Variants in OSTF1 observed in about 807,000 individuals in gnomAD.
OSTF1 encodes the protein osteoclast stimulating factor 1.
A neutral mutation model predicts 37.2 loss-of-function variants in OSTF1; 27 were observed. The observed-to-expected ratio is 0.73, with a 90% CI of 0.54 to 1.00. The LOEUF (loss-of-function observed/expected upper bound fraction) is 1.00. OSTF1 is among the 50% of genes least tolerant of loss of function. OSTF1 has a pLI of 0.00. For missense variants in OSTF1, 232 were observed against 253.8 expected (o/e 0.91, Z 0.58); for synonymous variants, 82 against 89.2 (o/e 0.92, Z 0.46).
intron 3 of OSTF1, among the ~76,000 whole-genome samples, chr9:75,128,756 G>A (rs906233962): frequency 4.0e-5 from 6 of 150,484 alleles, no homozygotes; most frequent in East Asian, 2.0e-4. Context: ...TAATTAGGTC[G>A]GTGATGTTGC....
chr9:75,124,768 T>C (rs1372656040), intron 2 of OSTF1, among the ~76,000 whole-genome samples: 1 of 151,788 alleles, frequency 6.6e-6, no homozygotes, highest in Non-Finnish European at 1.5e-5. Flanking sequence ...AAGCTATTTG[T>C]TTGGTACTTT....
intron 1 of OSTF1, among the ~76,000 whole-genome samples, chr9:75,103,248 A>G (rs1825225946): frequency 6.6e-6 from 1 of 152,242 alleles, no homozygotes; most frequent in African/African-American, 2.4e-5. Flanking sequence ...GCGTCATTGT[A>G]CTATAGCCTG....
chr9:75,095,115 A>T (rs1825050329), intron 1 of OSTF1, among the ~76,000 whole-genome samples: 1 of 152,172 alleles, frequency 6.6e-6, no homozygotes. Flanking sequence ...TATTCTGCTG[A>T]GCTCATTTAA....
At chr9:75,137,439 G>A in intron 7 of OSTF1, 99 bp from the exon 8 acceptor site, 1 of 750,282 alleles carries the variant, frequency 1.3e-6, no homozygotes, top group Non-Finnish European at 2.3e-6. Context: ...CCCATTTTAG[G>A]TTTAACTTTT....
rs941552131 is a variant in OSTF1 at position 75,146,753 on chromosome 9, A to G, written c.*12A>G. 6.3e-7 allele frequency: 1 copy of G among 1,587,502 alleles called. No individual in the cohort carries two copies. The highest frequency in any genetic ancestry group is 8.6e-7 in the Non-Finnish European group (1 of 1,161,490). On this transcript the variant is annotated 3_prime_UTR_variant, in exon 10 of 10. Coordinates refer to ENST00000346234, the MANE Select transcript of OSTF1 (RefSeq NM_012383.5). ...AAGACTCAGATTAATTCCTTTCTGG[A>G]GCTTTGAGATCTAAAACTTCTGTTG...
rs905551068 is a variant in OSTF1 at position 75,088,537 on chromosome 9, C to T, written c.-156C>T. Reference sequence around the variant, plus strand: ...GCACTCGGCGGAGCCGCTCTGCCTGCGTCCGCTCTTCCCGCAGCCAAGGGT... The same window carrying T: ...GCACTCGGCGGAGCCGCTCTGCCTGTGTCCGCTCTTCCCGCAGCCAAGGGT... On this transcript the variant is annotated 5_prime_UTR_variant, in exon 1 of 10. Transcript: ENST00000346234. 40 of 777,122 alleles carry T rather than the reference C, an allele frequency of 5.1e-5. No homozygotes were observed. The highest frequency in any genetic ancestry group is 3.9e-4 in the African/African-American group (23 of 58,244). The allele number at this position is 777,122 out of a possible 1,614,324, so 48.1% of individuals were successfully genotyped here. A position where few individuals can be genotyped will look rare whatever the true frequency, so the allele number is the denominator to read the frequency against.
At chr9:75,089,823 A>G (rs1412102569) in intron 1 of OSTF1, among the ~76,000 whole-genome samples, 1 of 152,230 alleles carries the variant, frequency 6.6e-6, no homozygotes, top group Non-Finnish European at 1.5e-5. Flanking sequence ...TGATTTTCCT[A>G]AACTCTATAG....
chr9:75,101,574 T>C lies in OSTF1; in HGVS notation c.34+12848T>C, dbSNP rs568572693. The stretch of plus-strand genomic sequence containing the variant: ...ACATAAGAACATTTGAATCCTTCTG[T>C]TTTCTGAACAAAGAGGGGCTCCGTT... On this transcript the variant is annotated intron_variant, in intron 1 of 9. Coordinates refer to ENST00000346234, the MANE Select transcript of OSTF1 (RefSeq NM_012383.5). Among the ~76,000 whole-genome samples the C allele has an allele frequency of 3.3e-5, 5 of 152,322 alleles. 1 individual carries two copies. Among genetic ancestry groups the C allele is most frequent in the Admixed American group, 3.3e-4 (5 of 15,300 alleles).
At chr9:75,130,772 A>G in intron 4 of OSTF1, 131 bp downstream of exon 4, 1 of 647,500 alleles carries the variant, frequency 1.5e-6, no homozygotes, top group Non-Finnish European at 2.9e-6. Flanking sequence ...TTTCTATTCC[A>G]TGAGCCTTCT....
At chr9:75,091,935 G>A (rs1032074747) in intron 1 of OSTF1, among the ~76,000 whole-genome samples, 1 of 152,204 alleles carries the variant, frequency 6.6e-6, no homozygotes, top group African/African-American at 2.4e-5. Context: ...TGAGATCTGA[G>A]ACAGATTTTC....
rs539001313 is a variant in OSTF1 at position 75,095,973 on chromosome 9, C to G, written c.34+7247C>G. ...GTGGCGCGATTTCGGCTCACTGCAA[C>G]CTCCGCCTCCCGGGTTCACGCCATT... On this transcript the variant is annotated intron_variant, in intron 1 of 9. Transcript: ENST00000346234. Among the ~76,000 whole-genome samples, 37 of 151,862 alleles carry G rather than the reference C, an allele frequency of 2.4e-4. No individual in the cohort carries two copies. The East Asian group carries it at 7.0e-3, about 29-fold the overall frequency.
At chr9:75,137,283 G>T (rs1015333388) in intron 7 of OSTF1, among the ~76,000 whole-genome samples, 1 of 151,996 alleles carries the variant, frequency 6.6e-6, no homozygotes, top group South Asian at 2.1e-4. Flanking sequence ...ATCTCCCTCC[G>T]CAGGCATGTG....
At chr9:75,089,874 GT>G (rs1824925229) in intron 1 of OSTF1, among the ~76,000 whole-genome samples, 1 of 152,112 alleles carries the variant, frequency 6.6e-6, no homozygotes, top group Non-Finnish European at 1.5e-5. Context: ...CGTTCCTGCA[GT>G]TGGAGTATGA....
chr9:75,140,815 C>T lies in OSTF1; in HGVS notation c.488-19C>T. 6.3e-7 allele frequency: 1 copy of T among 1,590,736 alleles called. No homozygotes were observed. Among genetic ancestry groups the T allele is most frequent in the Non-Finnish European group, 8.6e-7 (1 of 1,159,574 alleles). ...ATAGTCTTCAAAGACACCTAATTGACTTTTCTTGTGTTGGGAAGGTGCTAG... is the reference window on the plus strand; with the variant it reads ...ATAGTCTTCAAAGACACCTAATTGATTTTTCTTGTGTTGGGAAGGTGCTAG... On this transcript the variant is annotated intron_variant, in intron 8 of 9. Transcript: ENST00000346234.
At chr9:75,135,650 T>C (rs1279782698) in intron 7 of OSTF1, among the ~76,000 whole-genome samples, 1 of 152,202 alleles carries the variant, frequency 6.6e-6, no homozygotes, top group Non-Finnish European at 1.5e-5. Flanking sequence ...TATTGCTGCC[T>C]AGCAAACGAC....
At chr9:75,142,905 C>CT (rs1228132004) in intron 9 of OSTF1, among the ~76,000 whole-genome samples, 1 of 150,582 alleles carries the variant, frequency 6.6e-6, no homozygotes, top group East Asian at 1.9e-4. Flanking sequence ...AGCATGAACT[C>CT]TAAGTTGGAA....
chr9:75,130,041 C>T (rs969442610), intron 3 of OSTF1, among the ~76,000 whole-genome samples: 6 of 152,040 alleles, frequency 3.9e-5, no homozygotes, highest in African/African-American at 4.8e-5. Flanking sequence ...AGGGGAGGGA[C>T]GTCATGGGGG....
chr9:75,099,424 C>T (rs1825150460), intron 1 of OSTF1, among the ~76,000 whole-genome samples: 1 of 151,938 alleles, frequency 6.6e-6, no homozygotes, highest in Non-Finnish European at 1.5e-5. Flanking sequence ...ACTATTTAAA[C>T]ATTTTTTTTG....
At chr9:75,124,068 T>G (rs936452335) in intron 2 of OSTF1, among the ~76,000 whole-genome samples, 1 of 152,228 alleles carries the variant, frequency 6.6e-6, no homozygotes, top group Non-Finnish European at 1.5e-5. Flanking sequence ...TTGACTATTT[T>G]GGGCTTTATT....
Sources: gnomAD v4.1 joint callset for allele counts (sites outside exome capture counted in the v4.1 genomes callset) on GRCh38, gnomAD v4.1.1 for gene constraint, MANE v1.5 for transcripts, NCBI Gene and HGNC (gene_info 2026-07-23, HGNC 2026-07-21) for gene names.